PPP2R2B: variants seen among roughly 807,000 people sequenced by gnomAD.
The protein encoded by PPP2R2B is serine/threonine-protein phosphatase 2A 55 kDa regulatory subunit B beta isoform.
In PPP2R2B, 5 loss-of-function variants were observed where a neutral mutation model predicts 46.0. That is an observed-to-expected ratio of 0.11 (90% CI 0.06 to 0.23). The LOEUF is 0.23. PPP2R2B is among the 10% of genes least tolerant of loss of function. The pLI is 1.00. For missense variants in PPP2R2B, 367 were observed against 575.0 expected, an observed-to-expected ratio of 0.64 and a Z score of 3.70; for synonymous variants, 215 against 206.7, an observed-to-expected ratio of 1.04 and a Z score of -0.34.
At chr5:146,712,605 G>T (rs568483631) in intron 2 of PPP2R2B, among the ~76,000 whole-genome samples, 17 of 152,296 alleles carry the variant, frequency 1.1e-4, no homozygotes, top group African/African-American at 4.1e-4. Flanking sequence ...AAGATTTAAT[G>T]TTAATAGGAC....
chr5:146,697,211 CTTAA>C (rs1335544285), intron 4 of PPP2R2B, among the ~76,000 whole-genome samples: 1 of 152,160 alleles, frequency 6.6e-6, no homozygotes, highest in Non-Finnish European at 1.5e-5. Flanking sequence ...TACGAATCCT[CTTAA>C]TTGTTATGCT....
intron 1 of PPP2R2B, among the ~76,000 whole-genome samples, chr5:147,017,919 T>C (rs912058905): frequency 6.6e-6 from 1 of 152,072 alleles, no homozygotes. Context: ...GCAATGTCTT[T>C]AAGCAGCAAT....
intron 1 of PPP2R2B, among the ~76,000 whole-genome samples, chr5:146,902,776 C>T (rs538032393): frequency 1.3e-5 from 2 of 152,294 alleles, no homozygotes; most frequent in South Asian, 4.2e-4. Context: ...TGGTCCTAAT[C>T]TATACTTCCC....
chr5:146,872,649 A>G (rs1019345974), intron 2 of PPP2R2B, among the ~76,000 whole-genome samples: 7 of 152,170 alleles, frequency 4.6e-5, no homozygotes, highest in African/African-American at 1.7e-4. Flanking sequence ...AAGCTAATGT[A>G]TTTCACAAAT....
At chr5:146,600,247 G>C (rs781119652) in intron 8 of PPP2R2B, 44 bp downstream of exon 8, 1 of 1,585,860 alleles carries the variant, frequency 6.3e-7, no homozygotes. Flanking sequence ...AAAAGCTCAT[G>C]AAGGGAATGT....
intron 2 of PPP2R2B, among the ~76,000 whole-genome samples, chr5:146,750,571 C>G (rs1211209228): frequency 2.0e-5 from 3 of 152,052 alleles, no homozygotes; most frequent in Admixed American, 1.3e-4. Flanking sequence ...TGTAAGAAAA[C>G]AATAACTCAA....
intron 2 of PPP2R2B, among the ~76,000 whole-genome samples, chr5:146,735,989 T>C (rs552239021): frequency 6.6e-6 from 1 of 152,160 alleles, no homozygotes; most frequent in Non-Finnish European, 1.5e-5. Flanking sequence ...CCAAATCTCA[T>C]CTTGAATTGT....
chr5:147,008,423 C>G (rs542388859), intron 1 of PPP2R2B, among the ~76,000 whole-genome samples: 18 of 152,228 alleles, frequency 1.2e-4, no homozygotes, highest in Admixed American at 3.3e-4. Context: ...TTATGAAGGT[C>G]TATTCATAAA....
At chr5:146,928,394 G>A (rs1035181397) in intron 1 of PPP2R2B, among the ~76,000 whole-genome samples, 5 of 151,708 alleles carry the variant, frequency 3.3e-5, no homozygotes, top group African/African-American at 1.2e-4. Context: ...GTTCCCACCT[G>A]GGGCCTCTTC....
intron 2 of PPP2R2B, among the ~76,000 whole-genome samples, chr5:146,786,375 C>T (rs161035): frequency 0.57 from 86,714 of 151,894 alleles, 26,592 homozygotes; most frequent in Non-Finnish European, 0.68. Flanking sequence ...CCAAGTGAAG[C>T]GCTCCTGGAG....
At chr5:146,842,204 C>T (rs1238308624) in intron 2 of PPP2R2B, among the ~76,000 whole-genome samples, 1 of 152,166 alleles carries the variant, frequency 6.6e-6, no homozygotes, top group Non-Finnish European at 1.5e-5. Context: ...GCTTGATCAG[C>T]CACTGAGGAA....
At chr5:146,764,726 T>C (rs1754367686) in intron 2 of PPP2R2B, among the ~76,000 whole-genome samples, 1 of 152,076 alleles carries the variant, frequency 6.6e-6, no homozygotes, top group African/African-American at 2.4e-5. Flanking sequence ...ACAGTTAAGA[T>C]AATTTAAGTC....
intron 1 of PPP2R2B, among the ~76,000 whole-genome samples, chr5:147,025,595 C>T (rs1472113960): frequency 1.3e-5 from 2 of 151,936 alleles, no homozygotes; most frequent in Non-Finnish European, 2.9e-5. Context: ...TTAAAAACTT[C>T]TGCTATGTAA....
At chr5:146,605,315 A>G (rs1772160484) in intron 7 of PPP2R2B, among the ~76,000 whole-genome samples, 3 of 152,120 alleles carry the variant, frequency 2.0e-5, no homozygotes, top group Admixed American at 6.5e-5. Flanking sequence ...TCTCTGTAAT[A>G]TGAAGGAGTA....
chr5:147,017,296 A>C (rs1446033208), intron 1 of PPP2R2B, among the ~76,000 whole-genome samples: 1 of 151,604 alleles, frequency 6.6e-6, no homozygotes, highest in Non-Finnish European at 1.5e-5. Context: ...GATGCTAATC[A>C]TAGGACATCT....
chr5:146,684,649 T>C (rs986973723), intron 5 of PPP2R2B, among the ~76,000 whole-genome samples: 1 of 152,204 alleles, frequency 6.6e-6, no homozygotes, highest in Non-Finnish European at 1.5e-5. Flanking sequence ...AAAGCCCATC[T>C]ACCCTCCAGA....
At chr5:146,592,856 C>G in intron 9 of PPP2R2B, 115 bp downstream of exon 9, 1 of 958,670 alleles carries the variant, frequency 1.0e-6, no homozygotes, top group Non-Finnish European at 1.6e-6. Flanking sequence ...GCATTTCAGC[C>G]AGGTTTTGGG....
intron 1 of PPP2R2B, among the ~76,000 whole-genome samples, chr5:146,943,652 C>A (rs543507202): frequency 2.0e-5 from 3 of 152,038 alleles, no homozygotes; most frequent in Non-Finnish European, 4.4e-5. Context: ...GATGTTAAGA[C>A]CCCTGGTTTA....
In PPP2R2B at chr5:146,813,511, G is replaced by A. The variant is rs747166361; in HGVS notation, c.70+64491C>T. Among the ~76,000 whole-genome samples, 70 of 152,112 alleles carry A rather than the reference G, an allele frequency of 4.6e-4. 1 individual carries two copies. Among genetic ancestry groups the A allele is most frequent in the Admixed American group, 2.4e-3 (37 of 15,270 alleles). Reference sequence around the variant, plus strand: ...AGAGGTATGAATCAGTGTGTCGCTCGGTTCCATGGAGACAAATCCAAGTAG... The same window carrying A: ...AGAGGTATGAATCAGTGTGTCGCTCAGTTCCATGGAGACAAATCCAAGTAG... On this transcript the variant is annotated intron_variant, in intron 2 of 9. Transcript: ENST00000394411.
Sources: gnomAD v4.1 joint callset for allele counts (sites outside exome capture counted in the v4.1 genomes callset) on GRCh38, gnomAD v4.1.1 for gene constraint, MANE v1.5 for transcripts, NCBI Gene and HGNC (gene_info 2026-07-23, HGNC 2026-07-21) for gene names.